The following CACNA2D3 variants were observed in gnomAD, a reference collection of about 807,000 sequenced individuals.
CACNA2D3 encodes calcium voltage-gated channel auxiliary subunit alpha2delta 3, also known as voltage-dependent calcium channel subunit alpha-2/delta-3.
CACNA2D3 carries 60 observed loss-of-function variants against 160.6 expected under a neutral mutation model. The ratio of observed to expected loss-of-function variants is 0.37; its 90% confidence interval spans 0.30 to 0.46. CACNA2D3 has a LOEUF of 0.46. Among genes scored for constraint, CACNA2D3 ranks in the 20% least tolerant of loss-of-function variants. CACNA2D3 has a pLI of 1.00. For synonymous variants in CACNA2D3, 558 were observed against 492.9 expected, an observed-to-expected ratio of 1.13 and a Z score of -1.75; for missense variants, 1,205 against 1,365.0, an observed-to-expected ratio of 0.88 and a Z score of 1.85.
rs137983468 is a variant in CACNA2D3, at chr3:54,390,836, T to C, written c.381+4062T>C. Among the ~76,000 whole-genome samples the C allele has an allele frequency of 4.9e-3, 750 of 152,308 alleles. 4 individuals carry two copies. Among genetic ancestry groups the C allele is most frequent in the Non-Finnish European group, 7.8e-3 (533 of 68,010 alleles). ...TACTATGATGGTCCGTTAGAGCTGA[T>C]CAATTGTTAATCTGGGTTCTGCTGA... On this transcript the variant is annotated intron_variant, in intron 4 of 37. Transcript: ENST00000474759.
chr3:54,935,828 A>G (rs1399546821), intron 27 of CACNA2D3, among the ~76,000 whole-genome samples: 1 of 152,194 alleles, frequency 6.6e-6, no homozygotes, highest in Non-Finnish European at 1.5e-5. Context: ...TTTGTTCTAT[A>G]TGAGTTCTTT....
intron 34 of CACNA2D3, among the ~76,000 whole-genome samples, chr3:55,011,169 G>C (rs543450786): frequency 6.6e-6 from 1 of 152,354 alleles, no homozygotes; most frequent in East Asian, 1.9e-4. Context: ...TTTGCTCTCT[G>C]ATAACTGGGA....
intron 2 of CACNA2D3, among the ~76,000 whole-genome samples, chr3:54,212,010 C>G (rs1025614952): frequency 2.6e-5 from 4 of 152,238 alleles, no homozygotes; most frequent in East Asian, 1.9e-4. Flanking sequence ...ACCCACCTCT[C>G]TCTTGCCAAG....
chr3:54,801,362 T>C lies in CACNA2D3; in HGVS notation c.1381-15491T>C, dbSNP rs574831898. Among the ~76,000 whole-genome samples, 7 of 152,258 alleles carry C rather than the reference T, an allele frequency of 4.6e-5. No individual in the cohort carries two copies. In the East Asian group the frequency reaches 1.4e-3, roughly 30 times the overall value. On this transcript the variant is annotated intron_variant, in intron 13 of 37. Transcript: ENST00000474759. ...GAACATCAGAAAGAGAGAACCTTGC[T>C]CAGAGTGTAACTTGGGACAACTTTT...
chr3:54,744,217 A>G (rs1701706315), intron 11 of CACNA2D3, among the ~76,000 whole-genome samples: 1 of 152,250 alleles, frequency 6.6e-6, no homozygotes, highest in East Asian at 1.9e-4. Flanking sequence ...GTAAATGACC[A>G]AATGAACTTT....
At chr3:54,528,850 CT>C (rs779720997) in intron 5 of CACNA2D3, among the ~76,000 whole-genome samples, 1 of 152,206 alleles carries the variant, frequency 6.6e-6, no homozygotes, top group African/African-American at 2.4e-5. Flanking sequence ...TACTAAAAGG[CT>C]TTTCCTCCAT....
chr3:54,269,042 C>T (rs151319565), intron 2 of CACNA2D3, among the ~76,000 whole-genome samples: 18 of 152,256 alleles, frequency 1.2e-4, no homozygotes, highest in African/African-American at 4.1e-4. Flanking sequence ...AGAAGAGTTC[C>T]TGTGGCTTGG....
chr3:54,365,337 C>T (rs910810628), intron 3 of CACNA2D3, among the ~76,000 whole-genome samples: 3 of 152,168 alleles, frequency 2.0e-5, no homozygotes, highest in Non-Finnish European at 4.4e-5. Context: ...GTCTATAAAC[C>T]TCTCAAACTG....
intron 27 of CACNA2D3, among the ~76,000 whole-genome samples, chr3:54,951,065 C>T (rs1349191262): frequency 6.6e-6 from 1 of 152,168 alleles, no homozygotes; most frequent in Non-Finnish European, 1.5e-5. Flanking sequence ...AACTTGTTTT[C>T]CTATATGCTG....
At chr3:54,291,663 A>G (rs376069597) in intron 2 of CACNA2D3, among the ~76,000 whole-genome samples, 55 of 152,326 alleles carry the variant, frequency 3.6e-4, no homozygotes, top group South Asian at 1.7e-3. Flanking sequence ...TTCATAATAT[A>G]TGCTATCTTT....
chr3:54,791,236 G>C (rs75711924), intron 13 of CACNA2D3, among the ~76,000 whole-genome samples: 1,537 of 152,248 alleles, frequency 0.01, 37 homozygotes, highest in African/African-American at 0.036. Context: ...CATTATATGA[G>C]GACTGATACA....
intron 27 of CACNA2D3, chr3:54,901,291 C>T (rs538160313): frequency 6.6e-6 from 1 of 152,236 alleles, no homozygotes; most frequent in East Asian, 1.9e-4. Flanking sequence ...TTTTAAAACC[C>T]TTTCTTTGGG....
chr3:54,981,817 G>A (rs1702514903), intron 29 of CACNA2D3, among the ~76,000 whole-genome samples: 1 of 152,188 alleles, frequency 6.6e-6, no homozygotes, highest in Non-Finnish European at 1.5e-5. Context: ...CCCCCCCATT[G>A]GGTCCCATCA....
intron 6 of CACNA2D3, among the ~76,000 whole-genome samples, chr3:54,568,359 C>T (rs1249979580): frequency 2.0e-5 from 3 of 152,096 alleles, no homozygotes; most frequent in African/African-American, 7.2e-5. Flanking sequence ...CAGGGGTGGC[C>T]GTGGTCTTAA....
intron 11 of CACNA2D3, among the ~76,000 whole-genome samples, chr3:54,685,908 CTG>C (rs1353705476): frequency 1.3e-5 from 2 of 152,330 alleles, no homozygotes; most frequent in South Asian, 2.1e-4. Context: ...TCCTTGTAGA[CTG>C]TGGGGTGCTC....
intron 11 of CACNA2D3, among the ~76,000 whole-genome samples, chr3:54,735,746 C>G (rs1187883513): frequency 6.6e-6 from 1 of 151,682 alleles, no homozygotes; most frequent in Non-Finnish European, 1.5e-5. Context: ...CCTAGTACCT[C>G]AGAGCTGCAC....
At chr3:54,355,067 A>G (rs886857975) in intron 3 of CACNA2D3, among the ~76,000 whole-genome samples, 6 of 152,346 alleles carry the variant, frequency 3.9e-5, no homozygotes, top group African/African-American at 1.4e-4. Context: ...TGTGTATGAA[A>G]AATGGTAAGT....
chr3:54,862,237 G>A (rs1699306498), intron 17 of CACNA2D3, among the ~76,000 whole-genome samples: 2 of 152,176 alleles, frequency 1.3e-5, no homozygotes, highest in South Asian at 4.1e-4. Context: ...AAGGATCTGG[G>A]AAATTTCTTT....
At chr3:54,172,059 A>G (rs1700583704) in intron 2 of CACNA2D3, among the ~76,000 whole-genome samples, 1 of 152,120 alleles carries the variant, frequency 6.6e-6, no homozygotes, top group Non-Finnish European at 1.5e-5. Context: ...TCTGTCGAGC[A>G]TTTTCCTTGC....
Sources: gnomAD v4.1 joint callset for allele counts (sites outside exome capture counted in the v4.1 genomes callset) on GRCh38, gnomAD v4.1.1 for gene constraint, MANE v1.5 for transcripts, NCBI Gene and HGNC (gene_info 2026-07-23, HGNC 2026-07-21) for gene names.